Variants in WNT7B observed in about 807,000 individuals in gnomAD.
WNT7B encodes the protein Wnt family member 7B, also known as protein Wnt-7b.
In WNT7B, 19 loss-of-function variants were observed where a neutral mutation model predicts 38.2. That is an observed-to-expected ratio of 0.50 (90% CI 0.35 to 0.73). WNT7B has a LOEUF of 0.73. Ranked by LOEUF, WNT7B falls within the 30% of genes least tolerant of loss-of-function variation. WNT7B has a pLI of 0.01. For missense variants in WNT7B, 423 were observed against 507.9 expected (o/e 0.83, Z 1.61); for synonymous variants, 243 against 209.3 (o/e 1.16, Z -1.39).
chr22:45,942,952 G>A (rs917142732), intron 2 of WNT7B, among the ~76,000 whole-genome samples: 40 of 148,536 alleles, frequency 2.7e-4, no homozygotes, highest in Non-Finnish European at 4.9e-4. Context: ...GTGTATGTGT[G>A]CAGTGTGCAT....
intron 2 of WNT7B, among the ~76,000 whole-genome samples, chr22:45,944,760 C>T (rs10448576): frequency 0.041 from 6,200 of 152,336 alleles, 201 homozygotes; most frequent in Middle Eastern, 0.071. Flanking sequence ...ACAGCAGACA[C>T]TCAAGGAATG....
Position 45,950,856 on chromosome 22 carries a change from G to C in WNT7B, c.72-710C>G, listed in dbSNP as rs149081462. Among the ~76,000 whole-genome samples, 30 of 152,364 alleles carry C rather than the reference G, an allele frequency of 2.0e-4. 1 individual carries two copies. In the East Asian group the frequency reaches 5.0e-3, roughly 25 times the overall value. On this transcript the variant is annotated intron_variant, in intron 1 of 3. Coordinates refer to ENST00000339464, the MANE Select transcript of WNT7B (RefSeq NM_058238.3). ...CTCCTGTCAGGGTGACTGGGTGCAC[G>C]CAGAGGAAGAAATTAGGCCTGCAGC...
chr22:45,925,292 G>C lies in WNT7B; in HGVS notation c.571-1957C>G. On this transcript the variant is annotated intron_variant, in intron 3 of 3. Transcript: ENST00000339464. ...GTGCCGGGTGGGCCCTAGGCTGGCA[G>C]CCTGGAGCTGGGGTGTTTTCTGCTC... The C allele has an allele frequency of 3.0e-6, 3 of 985,424 alleles. No individual in the cohort carries two copies. In the African/African-American group the frequency reaches 5.2e-5, roughly 17 times the overall value. 61.0% of individuals were successfully genotyped at this position (985,424 alleles called of 1,614,324 possible). A position where few individuals can be genotyped will look rare whatever the true frequency, so the allele number is the denominator to read the frequency against.
chr22:45,924,000 C>T (rs752807181), intron 3 of WNT7B, among the ~76,000 whole-genome samples: 3 of 152,210 alleles, frequency 2.0e-5, no homozygotes, highest in Non-Finnish European at 4.4e-5. Flanking sequence ...CGGGTGCAGC[C>T]GAGTGTTTTC....
chr22:45,940,077 C>T (rs1931608518), intron 2 of WNT7B, among the ~76,000 whole-genome samples: 1 of 152,112 alleles, frequency 6.6e-6, no homozygotes, highest in African/African-American at 2.4e-5. Context: ...ATACTAAAGA[C>T]CGTGGGCTTG....
intron 3 of WNT7B, among the ~76,000 whole-genome samples, chr22:45,928,440 C>T (rs1474201255): frequency 6.6e-6 from 1 of 152,068 alleles, no homozygotes; most frequent in Non-Finnish European, 1.5e-5. Context: ...GTGCATTGCA[C>T]CCACTGTGCA....
At chr22:45,927,016 C>T (rs756828010) in intron 3 of WNT7B, 75 of 985,326 alleles carry the variant, frequency 7.6e-5, no homozygotes, top group Middle Eastern at 5.2e-4. Flanking sequence ...AACTCCACAG[C>T]GATAGCTTCT....
chr22:45,948,768 G>C (rs770357580), intron 2 of WNT7B, among the ~76,000 whole-genome samples: 2 of 150,190 alleles, frequency 1.3e-5, no homozygotes, highest in Admixed American at 1.3e-4. Context: ...GAGCAGCCCC[G>C]AGTGACGTGT....
At chr22:45,956,016 G>A (rs1932052175) in intron 1 of WNT7B, among the ~76,000 whole-genome samples, 1 of 152,160 alleles carries the variant, frequency 6.6e-6, no homozygotes, top group African/African-American at 2.4e-5. Context: ...AGGAGGAGGT[G>A]GCTGCGGTGG....
intron 1 of WNT7B, among the ~76,000 whole-genome samples, chr22:45,967,298 T>A (rs1475763704): frequency 6.6e-6 from 1 of 151,944 alleles, no homozygotes; most frequent in East Asian, 1.9e-4. Context: ...CCTGTCCCTT[T>A]GGGAGGGGAG....
chr22:45,933,715 G>C (rs1931438169), intron 2 of WNT7B, among the ~76,000 whole-genome samples: 1 of 152,188 alleles, frequency 6.6e-6, no homozygotes, highest in South Asian at 2.1e-4. Context: ...TCTTAAGTGG[G>C]TACAATCTTA....
intron 3 of WNT7B, among the ~76,000 whole-genome samples, chr22:45,924,289 C>A (rs1931011999): frequency 6.6e-6 from 1 of 152,170 alleles, no homozygotes; most frequent in South Asian, 2.1e-4. Flanking sequence ...CCAGCTCTAG[C>A]CTAGTGGAGA....
intron 3 of WNT7B, chr22:45,926,976 T>G (rs1184554460): frequency 1.0e-6 from 1 of 984,944 alleles, no homozygotes; most frequent in Admixed American, 6.2e-5. Flanking sequence ...GCTAAGGGGG[T>G]TCCCACCCCC....
intron 1 of WNT7B, among the ~76,000 whole-genome samples, chr22:45,950,542 C>G (rs1030514849): frequency 6.6e-6 from 1 of 152,024 alleles, no homozygotes; most frequent in African/African-American, 2.4e-5. Context: ...AGCGGCAGAC[C>G]CCAACTCCCC....
chr22:45,961,100 G>A (rs1027165341), intron 1 of WNT7B, among the ~76,000 whole-genome samples: 4 of 152,360 alleles, frequency 2.6e-5, no homozygotes, highest in East Asian at 3.9e-4. Flanking sequence ...CAGCTCTGGC[G>A]CTGCCCTCAG....
In WNT7B at chr22:45,922,480, G is replaced by C. The variant is rs73457141; in HGVS notation, c.*376C>G. The C allele has an allele frequency of 0.013, 2,850 of 211,824 alleles. 74 individuals are homozygous for C. The highest frequency in any genetic ancestry group is 0.061 in the African/African-American group (2,677 of 43,792). The allele number at this position is 211,824 out of a possible 1,614,324, so 13.1% of individuals were successfully genotyped here. A position where few individuals can be genotyped will look rare whatever the true frequency, so the allele number is the denominator to read the frequency against. On this transcript the variant is annotated 3_prime_UTR_variant, in exon 4 of 4. Transcript: ENST00000339464. ...TTTTCTGTGTCCATGCCGCCAGGTGGGGCTGGGGACGCTCAGTCTCCTCAT... is the reference window on the plus strand; with the variant it reads ...TTTTCTGTGTCCATGCCGCCAGGTGCGGCTGGGGACGCTCAGTCTCCTCAT...
At chr22:45,928,156 C>T (rs575065924) in intron 3 of WNT7B, among the ~76,000 whole-genome samples, 11 of 152,296 alleles carry the variant, frequency 7.2e-5, no homozygotes, top group African/African-American at 1.9e-4. Context: ...TTGTCTGTGG[C>T]GGCAGTCAGC....
rs1280560438 is a variant in WNT7B at position 45,965,592 on chromosome 22, G to A, written c.71+11092C>T. Among the ~76,000 whole-genome samples, 4 of 152,156 alleles carry A rather than the reference G, an allele frequency of 2.6e-5. No homozygotes were observed. Among genetic ancestry groups the A allele is most frequent in the Non-Finnish European group, 4.4e-5 (3 of 68,028 alleles). On this transcript the variant is annotated intron_variant, in intron 1 of 3. Coordinates refer to ENST00000339464, the MANE Select transcript of WNT7B (RefSeq NM_058238.3). This position sits in a 1 kb window ranked among gnomAD's most constrained non-coding sequence, Gnocchi z 6.5. ...TTGCCGCAAGCCCACAGCTGAGCCA[G>A]GAACAGGACCTGGGCATCCAGGACC...
intron 2 of WNT7B, chr22:45,935,828 G>T: frequency 4.1e-6 from 4 of 985,384 alleles, no homozygotes; most frequent in Non-Finnish European, 4.8e-6. Context: ...TGGCAGTGAC[G>T]AAAGCCATCT....
Sources: gnomAD v4.1 joint callset for allele counts (sites outside exome capture counted in the v4.1 genomes callset) on GRCh38, gnomAD v4.1.1 for gene constraint, Gnocchi (gnomAD v3.1) non-coding constraint, MANE v1.5 for transcripts, NCBI Gene and HGNC (gene_info 2026-07-23, HGNC 2026-07-21) for gene names.